Variants in PPP2R2B observed in about 807,000 individuals in gnomAD.
PPP2R2B encodes the protein protein phosphatase 2 regulatory subunit Bbeta, also known as serine/threonine-protein phosphatase 2A 55 kDa regulatory subunit B beta isoform.
A neutral mutation model predicts 46.0 loss-of-function variants in PPP2R2B; 5 were observed. The ratio of observed to expected loss-of-function variants is 0.11; its 90% CI spans 0.06 to 0.23. The LOEUF (loss-of-function observed/expected upper bound fraction) is 0.23. Ranked by LOEUF, PPP2R2B falls within the 10% of genes least tolerant of loss-of-function variation. PPP2R2B has a pLI of 1.00. For missense variants in PPP2R2B, 367 were observed against 575.0 expected, an observed-to-expected ratio of 0.64 and a Z score of 3.70; for synonymous variants, 215 against 206.7, an observed-to-expected ratio of 1.04 and a Z score of -0.34.
At chr5:146,836,195 T>C (rs962194610) in intron 2 of PPP2R2B, among the ~76,000 whole-genome samples, 1 of 152,174 alleles carries the variant, frequency 6.6e-6, no homozygotes, top group Non-Finnish European at 1.5e-5. Context: ...AAATTTATTA[T>C]AGTTGGTATG....
At chr5:147,075,853 G>C (rs1263773273) in intron 2 of PPP2R2B, among the ~76,000 whole-genome samples, 4 of 152,012 alleles carry the variant, frequency 2.6e-5, no homozygotes, top group Non-Finnish European at 4.4e-5. Context: ...TAAAGCCCAA[G>C]GAATACTATT....
intron 2 of PPP2R2B, among the ~76,000 whole-genome samples, chr5:146,763,433 ACC>A: frequency 6.6e-6 from 1 of 152,244 alleles, no homozygotes; most frequent in African/African-American, 2.4e-5. Context: ...TGATAATCTT[ACC>A]CAAGAGTGGT....
At chr5:146,772,414 A>ATATG (rs1754919909) in intron 2 of PPP2R2B, among the ~76,000 whole-genome samples, 1 of 86,176 alleles carries the variant, frequency 1.2e-5, no homozygotes, top group African/African-American at 7.1e-5. Flanking sequence ...ATATATATAT[A>ATATG]TATATATATA....
chr5:146,805,026 G>A (rs888004420), intron 2 of PPP2R2B, among the ~76,000 whole-genome samples: 4 of 152,148 alleles, frequency 2.6e-5, no homozygotes, highest in African/African-American at 9.7e-5. Flanking sequence ...ATAAACAACG[G>A]CAATTCTCCT....
intron 5 of PPP2R2B, among the ~76,000 whole-genome samples, chr5:146,661,188 G>A (rs1776643031): frequency 6.6e-6 from 1 of 152,166 alleles, no homozygotes; most frequent in African/African-American, 2.4e-5. Flanking sequence ...ACTGGCATCC[G>A]TGTGCAGGAG....
intron 1 of PPP2R2B, among the ~76,000 whole-genome samples, chr5:147,016,491 A>G (rs965315502): frequency 1.1e-4 from 2 of 19,032 alleles, no homozygotes; most frequent in African/African-American, 3.6e-4. Context: ...TTGTATATAA[A>G]AAGGACTTGT....
At chr5:146,860,173 A>G (rs1760900312) in intron 2 of PPP2R2B, among the ~76,000 whole-genome samples, 1 of 152,204 alleles carries the variant, frequency 6.6e-6, no homozygotes, top group South Asian at 2.1e-4. Flanking sequence ...CTCATCTTAA[A>G]ACGTTTTACA....
intron 1 of PPP2R2B, among the ~76,000 whole-genome samples, chr5:147,005,979 C>A (rs1485464075): frequency 1.3e-5 from 2 of 152,186 alleles, no homozygotes; most frequent in Non-Finnish European, 2.9e-5. Context: ...AAGGGCATAA[C>A]CCGAAAACAC....
intron 1 of PPP2R2B, among the ~76,000 whole-genome samples, chr5:146,986,060 G>T (rs1429864481): frequency 2.0e-5 from 3 of 152,096 alleles, no homozygotes; most frequent in Non-Finnish European, 2.9e-5. Context: ...AAGAACTAAA[G>T]AAATCAGGTG....
rs1554078218 is a variant in PPP2R2B at position 146,936,481 on chromosome 5, A to AAC, written c.79+119183_79+119184insGT. The stretch of plus-strand genomic sequence containing the variant: ...TTGTAAGCAGGAAAAGAAAAAAAAA[A>AAC]AAAACCCTAGACAGTTATGAAGGAT... On this transcript the variant is annotated intron_variant, in intron 1 of 8. Transcript: ENST00000336640. Among the ~76,000 whole-genome samples the AAC allele has an allele frequency of 2.6e-3, 398 of 151,468 alleles. 3 individuals carry two copies. The highest frequency in any genetic ancestry group is 9.3e-3 in the African/African-American group (381 of 41,186).
chr5:146,912,448 G>T (rs1440812226), intron 1 of PPP2R2B, among the ~76,000 whole-genome samples: 1 of 151,818 alleles, frequency 6.6e-6, no homozygotes, highest in Non-Finnish European at 1.5e-5. Flanking sequence ...GGATATTTAG[G>T]CATTCTGCAT....
At chr5:146,693,154 T>G (rs1014930602) in intron 4 of PPP2R2B, among the ~76,000 whole-genome samples, 7 of 151,592 alleles carry the variant, frequency 4.6e-5, no homozygotes, top group African/African-American at 1.7e-4. Context: ...TTTTCCTTCC[T>G]TCTTTCTTTC....
At chr5:146,926,687 A>G (rs1763793056) in intron 1 of PPP2R2B, among the ~76,000 whole-genome samples, 1 of 152,208 alleles carries the variant, frequency 6.6e-6, no homozygotes, top group South Asian at 2.1e-4. Flanking sequence ...ATTTTCAGGT[A>G]GAGGAGCATA....
At chr5:146,734,901 C>T (rs962416809) in intron 2 of PPP2R2B, among the ~76,000 whole-genome samples, 8 of 152,182 alleles carry the variant, frequency 5.3e-5, no homozygotes, top group Non-Finnish European at 1.2e-4. Context: ...TTGCACCAAC[C>T]TAAATCATCA....
chr5:146,938,751 CTTTTTTTTTT>C (rs33961672), intron 1 of PPP2R2B, among the ~76,000 whole-genome samples: 2 of 65,926 alleles, frequency 3.0e-5, no homozygotes, highest in African/African-American at 1.4e-4. Flanking sequence ...AGATAATAGC[CTTTTTTTTTT>C]TTTTTTTTTT....
chr5:146,766,509 A>G (rs1240692089), intron 2 of PPP2R2B, among the ~76,000 whole-genome samples: 3 of 152,202 alleles, frequency 2.0e-5, no homozygotes, highest in Non-Finnish European at 4.4e-5. Context: ...CTGAGGTAAA[A>G]AACACATAAT....
intron 7 of PPP2R2B, among the ~76,000 whole-genome samples, chr5:146,636,114 C>G (rs1471691614): frequency 2.0e-5 from 3 of 152,162 alleles, no homozygotes; most frequent in Non-Finnish European, 4.4e-5. Flanking sequence ...TACCTTTATT[C>G]ACATGACCAC....
intron 1 of PPP2R2B, among the ~76,000 whole-genome samples, chr5:146,904,551 G>C (rs1408216473): frequency 6.6e-6 from 1 of 152,188 alleles, no homozygotes; most frequent in African/African-American, 2.4e-5. Flanking sequence ...ATAGCCCAGA[G>C]AGGTTGTAAG....
chr5:146,861,856 G>GTTT (rs71581881), intron 2 of PPP2R2B, among the ~76,000 whole-genome samples: 1 of 36,706 alleles, frequency 2.7e-5, no homozygotes, highest in African/African-American at 2.3e-4. Flanking sequence ...ATACAGCATT[G>GTTT]TTTTTTTTTT....
Sources: gnomAD v4.1 joint callset for allele counts (sites outside exome capture counted in the v4.1 genomes callset) on GRCh38, gnomAD v4.1.1 for gene constraint, MANE v1.5 for transcripts, NCBI Gene and HGNC (gene_info 2026-07-23, HGNC 2026-07-21) for gene names.